The following ZNF837 variants were observed in gnomAD, a reference collection of about 807,000 sequenced individuals.
The protein encoded by ZNF837 is zinc finger protein 837.
For synonymous variants in ZNF837, 475 were observed against 365.2 expected, an observed-to-expected ratio of 1.30 and a Z score of -3.43; for missense variants, 955 against 801.7, an observed-to-expected ratio of 1.19 and a Z score of -2.31.
intron 1 of ZNF837, among the ~76,000 whole-genome samples, chr19:58,380,309 A>T (rs556291395): frequency 1.3e-5 from 2 of 152,362 alleles, no homozygotes; most frequent in African/African-American, 4.8e-5. Context: ...CTCAAGGATT[A>T]GCAAGCTTCA....
intron 1 of ZNF837, among the ~76,000 whole-genome samples, chr19:58,374,958 T>TAC (rs35539779): frequency 0.4 from 58,836 of 146,308 alleles, 12,179 homozygotes; most frequent in Middle Eastern, 0.52. Flanking sequence ...TATATATATA[T>TAC]ACACACACAC....
intron 1 of ZNF837, among the ~76,000 whole-genome samples, chr19:58,379,500 C>T (rs538236160): frequency 2.0e-5 from 3 of 152,208 alleles, no homozygotes. Flanking sequence ...CTGAGCACAG[C>T]AAACACAATC....
At chr19:58,372,350 C>A (rs2052209577) in intron 1 of ZNF837, among the ~76,000 whole-genome samples, 1 of 152,140 alleles carries the variant, frequency 6.6e-6, no homozygotes, top group Non-Finnish European at 1.5e-5. Flanking sequence ...TGAGTCACCG[C>A]ACCCAGCCGA....
At chr19:58,369,716 C>T in intron 2 of ZNF837, 103 bp downstream of exon 2, 1 of 176,032 alleles carries the variant, frequency 5.7e-6, no homozygotes, top group Non-Finnish European at 1.2e-5. Context: ...ATCTCACTTA[C>T]TCCTGCCCTC....
Position 58,369,346 on chromosome 19 carries a change from G to A in ZNF837, c.-14C>T. 7.4e-7 allele frequency: 1 copy of A among 1,347,038 alleles called. No individual in the cohort carries two copies. The highest frequency in any genetic ancestry group is 2.0e-5 in the South Asian group (1 of 50,206). The allele number at this position is 1,347,038 out of a possible 1,614,324, so 83.4% of individuals were successfully genotyped here. A position where few individuals can be genotyped will look rare whatever the true frequency, so the allele number is the denominator to read the frequency against. On this transcript the variant is annotated 5_prime_UTR_variant, in exon 3 of 3. Transcript: ENST00000597582. ...TGGAGCCTCCATCCTGGGGCGCAGA[G>A]TTCTGGTTGTAGGATCTGGAAGAGC...
chr19:58,369,656 T>G, intron 2 of ZNF837, 163 bp downstream of exon 2: 2 of 240,332 alleles, frequency 8.3e-6, no homozygotes. Flanking sequence ...CTGGTCCCCC[T>G]TCCCCAAGCA....
chr19:58,369,375 G>A lies in ZNF837; in HGVS notation c.-29-14C>T. ...TGGTTGTAGGATCTGGAAGAGCAGA[G>A]AAGAAATGGAGGTTGGCGGTTCCCA... is the stretch of plus-strand genomic sequence containing the variant. On this transcript the variant is annotated splice_polypyrimidine_tract_variant and intron_variant, in intron 2 of 2. Coordinates refer to ENST00000597582, the MANE Select transcript of ZNF837 (RefSeq NM_138466.2). 3 of 1,326,742 alleles carry A rather than the reference G, an allele frequency of 2.3e-6. No individual in the cohort carries two copies. Among genetic ancestry groups the A allele is most frequent in the Non-Finnish European group, 2.9e-6 (3 of 1,042,680 alleles). The allele number at this position is 1,326,742 out of a possible 1,614,324, so 82.2% of individuals were successfully genotyped here. A position where few individuals can be genotyped will look rare whatever the true frequency, so the allele number is the denominator to read the frequency against.
chr19:58,372,435 G>GT (rs964059878), intron 1 of ZNF837, among the ~76,000 whole-genome samples: 11 of 151,720 alleles, frequency 7.3e-5, no homozygotes, highest in South Asian at 2.1e-4. Flanking sequence ...GGGGAGTCCG[G>GT]GGGGGGCGGA....
intron 1 of ZNF837, among the ~76,000 whole-genome samples, chr19:58,375,285 T>C (rs1224704469): frequency 9.5e-4 from 53 of 56,070 alleles, no homozygotes; most frequent in African/African-American, 2.8e-3. Flanking sequence ...TATATATATA[T>C]ATATATATAT....
At chr19:58,376,776 A>G (rs1408628094) in intron 1 of ZNF837, among the ~76,000 whole-genome samples, 1 of 152,022 alleles carries the variant, frequency 6.6e-6, no homozygotes, top group Non-Finnish European at 1.5e-5. Context: ...CTGTTAATTC[A>G]CTCATATCAA....
rs1272963571 is a variant in ZNF837 at position 58,368,725 on chromosome 19, C to T, written c.608G>A (p.Gly203Asp). Residue 203 changes from glycine (G) to aspartate (D), a missense_variant, in exon 3 of 3, where the codon GGC (glycine) becomes GAC (aspartate). Gly to Asp is a moderately conservative substitution (Grantham distance 94, BLOSUM62 -1). Transcript: ENST00000597582. ...CAGGGCCCTCCACGCAAAGGCCTCG[C>T]CGCACGCGCAAGCCCGGGGCTGCTC... ...LVEQPRACAC[G>D]EAFAWRALRI... 3.9e-6 allele frequency: 6 copies of T among 1,536,412 alleles called. No individual in the cohort carries two copies. The highest frequency in any genetic ancestry group is 3.9e-5 in the Admixed American group (2 of 50,930).
At chr19:58,378,638 C>T (rs2052267781) in intron 1 of ZNF837, among the ~76,000 whole-genome samples, 3 of 152,190 alleles carry the variant, frequency 2.0e-5, no homozygotes, top group Non-Finnish European at 4.4e-5. Flanking sequence ...AGGCAGGTTC[C>T]ACTGAAGGAG....
At chr19:58,378,285 A>G (rs935337007) in intron 1 of ZNF837, among the ~76,000 whole-genome samples, 5 of 152,142 alleles carry the variant, frequency 3.3e-5, no homozygotes, top group Admixed American at 6.5e-5. Flanking sequence ...CGCTTTCACA[A>G]TGTGCCATCC....
chr19:58,369,566 C>T (rs1193563715), intron 2 of ZNF837, among the ~76,000 whole-genome samples: 3 of 152,094 alleles, frequency 2.0e-5, no homozygotes, highest in Non-Finnish European at 4.4e-5. Context: ...AGAACAGCTT[C>T]CCAGGCTCTG....
intron 1 of ZNF837, among the ~76,000 whole-genome samples, chr19:58,375,085 C>G (rs1029015388): frequency 4.9e-4 from 73 of 148,398 alleles, no homozygotes; most frequent in Non-Finnish European, 9.4e-4. Flanking sequence ...ATGGTGAAAC[C>G]CTGTCTATAC....
intron 1 of ZNF837, among the ~76,000 whole-genome samples, chr19:58,375,666 T>G (rs577606827): frequency 2.0e-4 from 30 of 151,892 alleles, no homozygotes; most frequent in Admixed American, 4.6e-4. Context: ...CAGGCTGGTC[T>G]CGAACTCCTG....
chr19:58,380,305 G>C (rs2052279562), intron 1 of ZNF837, among the ~76,000 whole-genome samples: 2 of 152,244 alleles, frequency 1.3e-5, no homozygotes, highest in Admixed American at 6.5e-5. Context: ...CACCCTCAAG[G>C]ATTAGCAAGC....
At position 58,367,920 on chromosome 19, in the gene ZNF837, G is replaced by A. The variant is rs1459224609; in HGVS notation, c.1413C>T (p.Gly471=). ...ELRQHERLHS[G]EKPYICRDCG... ...AGTCGCGGCAGATGTAGGGCTTCTC[G>A]CCCGAGTGCAGGCGCTCGTGCTGGC... The change falls in exon 3 of 3, where the codon GGC becomes GGT. Residue 471 remains glycine (G), a synonymous_variant. Transcript: ENST00000597582. The A allele has an allele frequency of 4.6e-6, 7 of 1,534,260 alleles. No homozygotes were observed. In the Admixed American group the frequency reaches 1.4e-4, roughly 30 times the overall value.
At chr19:58,377,645 G>C (rs2052260273) in intron 1 of ZNF837, among the ~76,000 whole-genome samples, 1 of 152,174 alleles carries the variant, frequency 6.6e-6, no homozygotes, top group Non-Finnish European at 1.5e-5. Flanking sequence ...CTCAAAAAAA[G>C]AAAGCAAAGA....
Sources: allele counts gnomAD v4.1 joint callset (sites outside exome capture counted in the v4.1 genomes callset), GRCh38; gene constraint gnomAD v4.1.1; transcripts MANE v1.5; gene names NCBI Gene and HGNC (gene_info 2026-07-23, HGNC 2026-07-21).